SYT9: variants seen among roughly 807,000 people sequenced by gnomAD.
SYT9 encodes synaptotagmin 9.
SYT9 carries 22 observed loss-of-function variants against 48.4 expected under a neutral mutation model. The observed-to-expected ratio is 0.45, with a 90% CI of 0.32 to 0.65. SYT9 has a LOEUF of 0.65. Among genes scored for constraint, SYT9 ranks in the 30% least tolerant of loss-of-function variants. The pLI, the probability that SYT9 is intolerant of heterozygous loss-of-function variation, is 0.03. For synonymous variants in SYT9, 265 were observed against 245.0 expected (o/e 1.08, Z -0.76); for missense variants, 577 against 622.0 (o/e 0.93, Z 0.77).
chr11:7,406,604 A>G (rs1488075202), intron 3 of SYT9, among the ~76,000 whole-genome samples: 1 of 150,686 alleles, frequency 6.6e-6, no homozygotes, highest in East Asian at 2.0e-4. Context: ...GTCGATGGAC[A>G]CTTAGATTGA....
intron 3 of SYT9, among the ~76,000 whole-genome samples, chr11:7,359,850 G>C (rs1275112388): frequency 1.3e-5 from 2 of 151,808 alleles, no homozygotes; most frequent in African/African-American, 2.4e-5. Context: ...AAGCTCTTTA[G>C]TTTAATTAGA....
At chr11:7,407,026 C>A (rs1847028208) in intron 3 of SYT9, among the ~76,000 whole-genome samples, 1 of 151,946 alleles carries the variant, frequency 6.6e-6, no homozygotes, top group Non-Finnish European at 1.5e-5. Flanking sequence ...ATGTCTTTTG[C>A]CCACTTTTAA....
intron 3 of SYT9, among the ~76,000 whole-genome samples, chr11:7,346,911 G>C (rs1207438041): frequency 1.3e-5 from 2 of 152,182 alleles, no homozygotes; most frequent in Admixed American, 1.3e-4. Flanking sequence ...ATATGGTTGT[G>C]ACACTATTTT....
chr11:7,344,795 G>A (rs1849771478), intron 3 of SYT9, among the ~76,000 whole-genome samples: 1 of 152,118 alleles, frequency 6.6e-6, no homozygotes. Context: ...ATATCACAGT[G>A]TCTTGATTGC....
At chr11:7,430,941 A>G (rs2134118170) in intron 6 of SYT9, among the ~76,000 whole-genome samples, 1 of 152,352 alleles carries the variant, frequency 6.6e-6, no homozygotes, top group Admixed American at 6.5e-5. Flanking sequence ...ATGCAAGAAA[A>G]GCAGTACCAG....
At chr11:7,349,648 A>G (rs567293134) in intron 3 of SYT9, among the ~76,000 whole-genome samples, 1 of 152,274 alleles carries the variant, frequency 6.6e-6, no homozygotes, top group South Asian at 2.1e-4. Context: ...CAACAAATCC[A>G]TGCACATTGC....
chr11:7,456,442 T>C (rs1477651105), intron 6 of SYT9, among the ~76,000 whole-genome samples: 1 of 152,204 alleles, frequency 6.6e-6, no homozygotes, highest in African/African-American at 2.4e-5. Context: ...AGCAGGCTGG[T>C]TACACCTCCC....
intron 3 of SYT9, among the ~76,000 whole-genome samples, chr11:7,322,910 T>A (rs1849362420): frequency 6.6e-6 from 1 of 152,200 alleles, no homozygotes; most frequent in Non-Finnish European, 1.5e-5. Flanking sequence ...GTTTTGCCTA[T>A]TGTTGAAATT....
intron 1 of SYT9, among the ~76,000 whole-genome samples, chr11:7,259,435 T>G (rs1196740413): frequency 6.6e-6 from 1 of 152,150 alleles, no homozygotes; most frequent in Admixed American, 6.6e-5. Context: ...CCCTGTTTCC[T>G]TTTGGGAAAA....
At chr11:7,269,167 G>C (rs375695100) in intron 1 of SYT9, among the ~76,000 whole-genome samples, 6 of 151,728 alleles carry the variant, frequency 4.0e-5, no homozygotes, top group African/African-American at 1.5e-4. Flanking sequence ...TTGTGCTATT[G>C]TGACATGGCA....
chr11:7,279,139 G>A (rs1205500019), intron 1 of SYT9, among the ~76,000 whole-genome samples: 1 of 152,138 alleles, frequency 6.6e-6, no homozygotes, highest in East Asian at 1.9e-4. Flanking sequence ...AGGGTATGTG[G>A]ACCCTAGAAA....
chr11:7,322,531 A>T (rs1017939), intron 3 of SYT9, among the ~76,000 whole-genome samples: 1 of 152,068 alleles, frequency 6.6e-6, no homozygotes. Context: ...TGATGTCTAG[A>T]TTATTCAGAG....
chr11:7,256,719 A>ACT (rs1044863136), intron 1 of SYT9, among the ~76,000 whole-genome samples: 43 of 152,140 alleles, frequency 2.8e-4, no homozygotes, highest in African/African-American at 1.0e-3. Context: ...AGTATTTTTG[A>ACT]TTATGAATTC....
intron 1 of SYT9, among the ~76,000 whole-genome samples, chr11:7,295,784 T>C (rs1325023648): frequency 6.6e-6 from 1 of 152,250 alleles, no homozygotes; most frequent in Non-Finnish European, 1.5e-5. Context: ...GCCTGACTTC[T>C]AGGCTATAGT....
intron 2 of SYT9, among the ~76,000 whole-genome samples, chr11:7,309,473 A>G (rs11041306): frequency 0.16 from 24,414 of 151,954 alleles, 2,122 homozygotes; most frequent in East Asian, 0.29. Context: ...CCTCAATGTC[A>G]TTGTCCTTGT....
At chr11:7,322,359 A>G (rs1007861704) in intron 3 of SYT9, among the ~76,000 whole-genome samples, 1 of 152,148 alleles carries the variant, frequency 6.6e-6, no homozygotes, top group Non-Finnish European at 1.5e-5. Context: ...ACACCACAGA[A>G]AGCCATGGTT....
At chr11:7,451,301 G>A (rs1848042789) in intron 6 of SYT9, among the ~76,000 whole-genome samples, 1 of 152,210 alleles carries the variant, frequency 6.6e-6, no homozygotes, top group Non-Finnish European at 1.5e-5. Context: ...TAGAAGGCAT[G>A]CTGTGTTCTG....
intron 3 of SYT9, among the ~76,000 whole-genome samples, chr11:7,392,571 C>G (rs1292043954): frequency 6.9e-6 from 1 of 144,782 alleles, no homozygotes; most frequent in Admixed American, 7.2e-5. Flanking sequence ...ATTGCTTTTG[C>G]TATTCAGGCT....
At chr11:7,360,973 A>C (rs1850124440) in intron 3 of SYT9, among the ~76,000 whole-genome samples, 1 of 152,152 alleles carries the variant, frequency 6.6e-6, no homozygotes, top group Admixed American at 6.5e-5. Flanking sequence ...TAAGTTTTCA[A>C]ATTTCTTGGC....
Sources: gnomAD v4.1 joint callset for allele counts (sites outside exome capture counted in the v4.1 genomes callset) on GRCh38, gnomAD v4.1.1 for gene constraint, MANE v1.5 for transcripts, NCBI Gene and HGNC (gene_info 2026-07-23, HGNC 2026-07-21) for gene names.